Variants in RIN3 observed in about 807,000 individuals in gnomAD.
RIN3 encodes the protein Ras and Rab interactor 3.
Under a neutral mutation model 76.3 loss-of-function variants are expected in RIN3, and 54 were observed. The observed-to-expected ratio is 0.71, with a 90% CI of 0.57 to 0.89. The LOEUF (loss-of-function observed/expected upper bound fraction) is 0.89. Among genes scored for constraint, RIN3 ranks in the 40% least tolerant of loss-of-function variants. The pLI is 0.00. For synonymous variants in RIN3, 576 were observed against 564.0 expected, an observed-to-expected ratio of 1.02 and a Z score of -0.30; for missense variants, 1,256 against 1,322.1, an observed-to-expected ratio of 0.95 and a Z score of 0.78.
chr14:92,640,789 T>G (rs1170187967), intron 4 of RIN3, among the ~76,000 whole-genome samples: 1 of 151,056 alleles, frequency 6.6e-6, no homozygotes, highest in African/African-American at 2.4e-5. Flanking sequence ...TGACTGCATT[T>G]GCTGGGAGAT....
intron 3 of RIN3, among the ~76,000 whole-genome samples, chr14:92,595,059 A>T (rs1490013287): frequency 2.6e-5 from 4 of 152,264 alleles, no homozygotes; most frequent in Non-Finnish European, 5.9e-5. Flanking sequence ...GCATTCATTG[A>T]TAACATATTC....
chr14:92,688,235 G>A lies in RIN3; in HGVS notation c.2941G>A (p.Glu981Lys), dbSNP rs752487343. ...GGSPPCLVVR[E>K]PNFL ...GAGCCCGCCCTGCCTGGTGGTGCGG[G>A]AGCCCAACTTCCTGTGAGGCCCTCC... The change falls in exon 10 of 10, where the codon GAG (glutamate) becomes AAG (lysine). Residue 981 changes from glutamate (E) to lysine (K), a missense_variant. Glu to Lys is a moderately conservative substitution (Grantham distance 56). This residue lies in a region of RIN3 where 218 missense variants were observed against 174.5 expected (regional missense o/e 1.25). Transcript: ENST00000216487. The A allele has an allele frequency of 7.1e-5, 113 of 1,592,650 alleles. No homozygotes were observed. The highest frequency in any genetic ancestry group is 8.4e-5 in the Non-Finnish European group (98 of 1,171,078).
chr14:92,586,762 G>A (rs1426339660), intron 3 of RIN3, among the ~76,000 whole-genome samples: 1 of 152,144 alleles, frequency 6.6e-6, no homozygotes, highest in African/African-American at 2.4e-5. Context: ...GGAGAGACAG[G>A]CTCATGCATA....
chr14:92,557,520 C>A (rs1211909322), intron 2 of RIN3, among the ~76,000 whole-genome samples: 1 of 152,234 alleles, frequency 6.6e-6, no homozygotes. Context: ...GGCGAATGGA[C>A]TCGTTCACCT....
intron 7 of RIN3, among the ~76,000 whole-genome samples, chr14:92,673,677 T>C (rs7153715): frequency 0.29 from 43,375 of 152,116 alleles, 7,119 homozygotes; most frequent in Non-Finnish European, 0.36. Flanking sequence ...GGCTAATTTT[T>C]GTATTTTTAG....
intron 2 of RIN3, among the ~76,000 whole-genome samples, chr14:92,566,027 C>G (rs982707126): frequency 6.6e-6 from 1 of 152,226 alleles, no homozygotes; most frequent in Non-Finnish European, 1.5e-5. Context: ...GTAGCAGGCA[C>G]TCTGCTAATA....
intron 2 of RIN3, among the ~76,000 whole-genome samples, chr14:92,564,284 A>C (rs961727640): frequency 1.3e-5 from 2 of 152,208 alleles, no homozygotes; most frequent in African/African-American, 4.8e-5. Flanking sequence ...CCCTAAGCAT[A>C]TTCTGTCCCA....
chr14:92,651,098 G>A (rs7153192), intron 5 of RIN3: 76,525 of 155,940 alleles, frequency 0.49, 19,396 homozygotes, highest in Middle Eastern at 0.57. Context: ...CCTGTGATGT[G>A]TGTACTGTTG....
intron 7 of RIN3, among the ~76,000 whole-genome samples, chr14:92,663,002 G>A (rs1023450117): frequency 6.6e-6 from 1 of 151,684 alleles, no homozygotes. Flanking sequence ...GTAAAGACGG[G>A]GTTTCACCAT....
At chr14:92,533,872 A>G (rs1016940892) in intron 1 of RIN3, among the ~76,000 whole-genome samples, 9 of 152,206 alleles carry the variant, frequency 5.9e-5, no homozygotes, top group African/African-American at 2.2e-4. Flanking sequence ...ACGGAAATAA[A>G]AATTTTGTTT....
At chr14:92,658,227 C>T (rs1887741271) in intron 6 of RIN3, among the ~76,000 whole-genome samples, 1 of 152,210 alleles carries the variant, frequency 6.6e-6, no homozygotes, top group Admixed American at 6.5e-5. Context: ...ACTCCTGCTC[C>T]AAGAGCTGAT....
At chr14:92,570,090 G>A (rs975891982) in intron 2 of RIN3, among the ~76,000 whole-genome samples, 12 of 152,338 alleles carry the variant, frequency 7.9e-5, no homozygotes, top group African/African-American at 2.9e-4. Context: ...AGTGACCTGG[G>A]TGTGTGTCCC....
intron 2 of RIN3, among the ~76,000 whole-genome samples, chr14:92,564,925 T>C (rs1430220149): frequency 6.6e-6 from 1 of 152,164 alleles, no homozygotes; most frequent in Non-Finnish European, 1.5e-5. Flanking sequence ...GGAAGCTTTG[T>C]TAGTGGCTAA....
intron 1 of RIN3, among the ~76,000 whole-genome samples, chr14:92,524,019 C>T (rs901999659): frequency 7.9e-5 from 12 of 152,078 alleles, no homozygotes; most frequent in African/African-American, 2.9e-4. Flanking sequence ...ACAGCAAGAC[C>T]CCGTCTCTAC....
intron 5 of RIN3, among the ~76,000 whole-genome samples, chr14:92,645,367 C>T (rs1041474763): frequency 2.0e-5 from 3 of 152,118 alleles, no homozygotes; most frequent in Non-Finnish European, 2.9e-5. Context: ...TGTAAAAGCC[C>T]GTTTTACAGA....
intron 4 of RIN3, among the ~76,000 whole-genome samples, chr14:92,630,208 C>T (rs951123044): frequency 2.6e-5 from 4 of 152,130 alleles, no homozygotes; most frequent in East Asian, 1.9e-4. Flanking sequence ...GAGACAGCAC[C>T]GACCCAGCGC....
At chr14:92,644,095 G>A (rs1285434413) in intron 5 of RIN3, among the ~76,000 whole-genome samples, 1 of 152,178 alleles carries the variant, frequency 6.6e-6, no homozygotes, top group East Asian at 1.9e-4. Context: ...TGGGCCTGGT[G>A]GCTCACACCT....
At chr14:92,539,806 G>A (rs982640976) in intron 1 of RIN3, among the ~76,000 whole-genome samples, 1 of 152,140 alleles carries the variant, frequency 6.6e-6, no homozygotes, top group Admixed American at 6.5e-5. Flanking sequence ...GGGTTTGCAA[G>A]AGCAGAGCCC....
intron 3 of RIN3, among the ~76,000 whole-genome samples, chr14:92,610,037 A>T (rs1001834063): frequency 6.6e-6 from 1 of 152,130 alleles, no homozygotes; most frequent in South Asian, 2.1e-4. Flanking sequence ...CAGAAAAAAA[A>T]ATTTTAAGTA....
Sources: gnomAD v4.1 joint callset for allele counts (sites outside exome capture counted in the v4.1 genomes callset) on GRCh38, gnomAD v4.1.1 for gene constraint, gnomAD v4.1.1 regional missense constraint, MANE v1.5 for transcripts, NCBI Gene and HGNC (gene_info 2026-07-23, HGNC 2026-07-21) for gene names.